The following AKNA variants were observed in gnomAD, a reference collection of about 807,000 sequenced individuals.
AKNA encodes the protein microtubule organization protein AKNA.
In AKNA, 67 loss-of-function variants were observed where a neutral mutation model predicts 138.8. The observed-to-expected ratio is 0.48, with a 90% CI of 0.40 to 0.59. The LOEUF (loss-of-function observed/expected upper bound fraction) is 0.59, where lower values mean the gene tolerates loss of function less well. AKNA is among the 20% of genes least tolerant of loss of function. AKNA has a pLI of 0.00. For synonymous variants in AKNA, 737 were observed against 754.4 expected, an observed-to-expected ratio of 0.98 and a Z score of 0.38; for missense variants, 1,813 against 1,880.4, an observed-to-expected ratio of 0.96 and a Z score of 0.66.
intron 7 of AKNA, among the ~76,000 whole-genome samples, 178 bp from the exon 8 acceptor site, chr9:114,362,711 C>T (rs562129811): frequency 8.5e-5 from 13 of 152,188 alleles, no homozygotes; most frequent in Middle Eastern, 3.2e-3. Context: ...GGAGAGCTGC[C>T]GTGGTCAAGC....
intron 6 of AKNA, among the ~76,000 whole-genome samples, chr9:114,366,779 T>C (rs1423592249): frequency 6.6e-6 from 1 of 151,522 alleles, no homozygotes; most frequent in Non-Finnish European, 1.5e-5. Flanking sequence ...AATAAAATGG[T>C]GGTGCTTCTG....
downstream of AKNA, among the ~76,000 whole-genome samples, chr9:114,332,271 C>T (rs1829866653): frequency 6.6e-6 from 1 of 152,082 alleles, no homozygotes; most frequent in African/African-American, 2.4e-5. Flanking sequence ...TTCACCCCAC[C>T]TCCACTCCCC....
chr9:114,359,529 C>T (rs1831764846), intron 11 of AKNA, 65 bp downstream of exon 11: 1 of 1,612,288 alleles, frequency 6.2e-7, no homozygotes, highest in Admixed American at 1.7e-5. Context: ...TTCACTCTGA[C>T]AGTGATCATC....
chr9:114,360,328 A>C (rs1197435421), intron 9 of AKNA, among the ~76,000 whole-genome samples: 2 of 152,264 alleles, frequency 1.3e-5, no homozygotes, highest in East Asian at 3.9e-4. Context: ...ACCTACGATT[A>C]TTACAAACCA....
chr9:114,337,094 A>T lies in AKNA; in HGVS notation c.4280T>A (p.Leu1427Gln), dbSNP rs769565776. The change falls in exon 22 of 22, where the codon CTG (leucine) becomes CAG (glutamine). Residue 1427 changes from leucine to glutamine, a missense_variant. Leu to Gln is a moderately radical substitution (Grantham distance 113). Coordinates refer to ENST00000374088, the MANE Select transcript of AKNA (RefSeq NM_001317950.2). The part of the protein sequence containing the change: ...RQMRSSLSAD[L>Q]RQAHSLRGSC... Reference sequence around the variant, plus strand: ...GCCCCGCAGGCTGTGAGCCTGGCGCAGGTCGGCTGACAGCGAGCTTCTCAT... The same window carrying T: ...GCCCCGCAGGCTGTGAGCCTGGCGCTGGTCGGCTGACAGCGAGCTTCTCAT... 4.2e-6 allele frequency: 6 copies of T among 1,423,692 alleles called. 1 individual carries two copies. The Admixed American group carries it at 9.5e-5, about 23-fold the overall frequency. The allele number at this position is 1,423,692 out of a possible 1,614,324, so 88.2% of individuals were successfully genotyped here. A position where few individuals can be genotyped will look rare whatever the true frequency, so the allele number is the denominator to read the frequency against.
chr9:114,387,480 G>C (rs535333714), intron 1 of AKNA, among the ~76,000 whole-genome samples: 1 of 152,284 alleles, frequency 6.6e-6, no homozygotes, highest in South Asian at 2.1e-4. Context: ...ACCACCCCCC[G>C]GCGCCGTCGC....
At position 114,358,044 on chromosome 9, in the gene AKNA, G is replaced by T. The variant is rs768255788; in HGVS notation, c.2616C>A (p.Pro872=). ...EAAPPGPGVP[P]HPPGTKSAAS... ...CTGCGGACTTGGTGCCTGGAGGGTG[G>T]GGTGGCACGCCAGGGCCTGGAGGGG... The change falls in exon 12 of 22, where the codon CCC becomes CCA. Residue 872 remains proline (P), a synonymous_variant. Coordinates refer to ENST00000374088, the MANE Select transcript of AKNA (RefSeq NM_001317950.2). 6.2e-7 allele frequency: 1 copy of T among 1,611,442 alleles called. No homozygotes were observed. The highest frequency in any genetic ancestry group is 1.1e-5 in the South Asian group (1 of 90,880).
Position 114,381,404 on chromosome 9 carries a change from G to GGAA in AKNA, c.-72_-71insTTC. 2 of 1,455,952 alleles carry GGAA rather than the reference G, an allele frequency of 1.4e-6. No individual in the cohort carries two copies. Among genetic ancestry groups the GGAA allele is most frequent in the Non-Finnish European group, 1.8e-6 (2 of 1,108,344 alleles). The allele number at this position is 1,455,952 out of a possible 1,614,324, so 90.2% of individuals were successfully genotyped here. A position where few individuals can be genotyped will look rare whatever the true frequency, so the allele number is the denominator to read the frequency against. ...CAGAGCTGCTGCCAGGGGCCCCAGA[G>GGAA]TCACCGCTGGTTCCTGTCAGCATCG... On this transcript the variant is annotated 5_prime_UTR_variant, in exon 2 of 22. Coordinates refer to ENST00000374088, the MANE Select transcript of AKNA (RefSeq NM_001317950.2).
intron 5 of AKNA, 86 bp from the exon 6 acceptor site, chr9:114,367,783 C>T: frequency 1.4e-6 from 2 of 1,427,502 alleles, no homozygotes; most frequent in South Asian, 1.4e-5. Context: ...AAGCCACCAC[C>T]TCCATCATCA....
In AKNA at chr9:114,359,947, A is replaced by G. The variant is rs1231449716; in HGVS notation, c.2240T>C (p.Leu747Pro). The change falls in exon 10 of 22, where the codon CTC becomes CCC. Residue 747 changes from leucine to proline, a missense_variant. Physicochemically the swap from Leu to Pro is moderately conservative, Grantham distance 98. Coordinates refer to ENST00000374088, the MANE Select transcript of AKNA (RefSeq NM_001317950.2). The stretch of plus-strand genomic sequence containing the variant: ...CTCCATCTGCAGCTCCTTGTGCCTG[A>G]GTCGGGCCAGGGGGTCCTGTGGCCT... ...EDRPQDPLAR[L>P]RHKELQMEQV... is the part of the protein sequence containing the mutation. 1.9e-6 allele frequency: 3 copies of G among 1,614,192 alleles called. No individual in the cohort carries two copies. In the East Asian group the frequency reaches 6.7e-5, roughly 36 times the overall value.
Position 114,364,634 on chromosome 9 carries a change from G to A in AKNA, c.1729-15C>T. On this transcript the variant is annotated splice_polypyrimidine_tract_variant and intron_variant, in intron 6 of 21. Coordinates refer to ENST00000374088, the MANE Select transcript of AKNA (RefSeq NM_001317950.2). ...AAGGACTCCACCTGGACATTGGGAG[G>A]GGAAGGAAATATGCTCCATTAATCC... 6.2e-7 allele frequency: 1 copy of A among 1,613,660 alleles called. No homozygotes were observed. The highest frequency in any genetic ancestry group is 1.1e-5 in the South Asian group (1 of 91,066).
In AKNA at chr9:114,361,894, A is replaced by C; in HGVS notation, c.1934T>G (p.Ile645Arg). Reference sequence around the variant, plus strand: ...TTCCAGGCAGCTTCCCAGACGGTATATCTCTGCCTCCAGCTCCCTGGAATG... The same window carrying C: ...TTCCAGGCAGCTTCCCAGACGGTATCTCTCTGCCTCCAGCTCCCTGGAATG... ...FDPRRELEAE[I>R]YRLGSCLEEL... Residue 645 changes from isoleucine (I) to arginine (R), a missense_variant, in exon 9 of 22, where the codon ATA (isoleucine) becomes AGA (arginine). Physicochemically the swap from Ile to Arg is moderately conservative, Grantham distance 97 (BLOSUM62 -3). Coordinates refer to ENST00000374088, the MANE Select transcript of AKNA (RefSeq NM_001317950.2). 1 of 1,603,454 alleles carries C rather than the reference A, an allele frequency of 6.2e-7. No individual in the cohort carries two copies. Among genetic ancestry groups the C allele is most frequent in the East Asian group, 2.2e-5 (1 of 44,870 alleles).
Position 114,368,495 on chromosome 9 carries a change from C to A in AKNA, c.1517G>T (p.Arg506Leu). Residue 506 changes from arginine to leucine, a missense_variant, in exon 5 of 22, where the codon CGC (arginine) becomes CTC (leucine). Coordinates refer to ENST00000374088, the MANE Select transcript of AKNA (RefSeq NM_001317950.2). ...CGGGCCCGGCCACCACTCTGCAGAG[C>A]GGGGCTGTGGGATGGTGAAGGACAA... Reference protein sequence around the residue: ...KVLSFTIPQPRSAEWWPGPAE... With the variant: ...KVLSFTIPQPLSAEWWPGPAE... 7.3e-7 allele frequency: 1 copy of A among 1,361,150 alleles called. No homozygotes were observed. Among genetic ancestry groups the A allele is most frequent in the East Asian group, 2.8e-5 (1 of 36,048 alleles). The allele number at this position is 1,361,150 out of a possible 1,614,324, so 84.3% of individuals were successfully genotyped here.
chr9:114,350,847 T>A lies in AKNA; in HGVS notation c.3221+12A>T, dbSNP rs750621051. 1 of 1,532,732 alleles carries A rather than the reference T, an allele frequency of 6.5e-7. No homozygotes were observed. The highest frequency in any genetic ancestry group is 8.8e-7 in the Non-Finnish European group (1 of 1,141,142). The allele number at this position is 1,532,732 out of a possible 1,614,324, so 94.9% of individuals were successfully genotyped here. A position where few individuals can be genotyped will look rare whatever the true frequency, so the allele number is the denominator to read the frequency against. On this transcript the variant is annotated intron_variant, in intron 15 of 21. Transcript: ENST00000374088. ...TGAGCTTGAATCCCCAGGATCCAAG[T>A]GTCTAACTTACTCTCGCCCTGCCCT...
rs562306295 is a variant in AKNA at position 114,344,567 on chromosome 9, G to A, written c.3662-764C>T. The stretch of plus-strand genomic sequence containing the variant: ...TGGCTTTGTGTATGTGGAGCTGAAC[G>A]TAATTGCTCTTATTTTCCCGACGCG... On this transcript the variant is annotated intron_variant, in intron 18 of 21. Coordinates refer to ENST00000374088, the MANE Select transcript of AKNA (RefSeq NM_001317950.2). The A allele has an allele frequency of 2.0e-3, 300 of 152,318 alleles. 1 individual carries two copies. Among genetic ancestry groups the A allele is most frequent in the Non-Finnish European group, 2.8e-3 (188 of 68,066 alleles). The allele number at this position is 152,318 out of a possible 1,614,324, so 9.4% of individuals were successfully genotyped here. A position where few individuals can be genotyped will look rare whatever the true frequency, so the allele number is the denominator to read the frequency against.
In AKNA at chr9:114,347,895, G is replaced by A. The variant is rs1351603380; in HGVS notation, c.3227C>T (p.Ala1076Val). 1.3e-6 allele frequency: 2 copies of A among 1,551,790 alleles called. No individual in the cohort carries two copies. The highest frequency in any genetic ancestry group is 2.5e-5 in the East Asian group (1 of 40,800). ...FLLTRAGRDQ[A>V]ICELQEEVSR... ...CACCTCTTCTTGCAGCTCACAGATG[G>A]CCTGGCTGGGGTTGGAGTGGAGACA... Residue 1076 changes from alanine (A) to valine (V), a missense_variant, in exon 16 of 22, where the codon GCC (alanine) becomes GTC (valine). Physicochemically the swap from Ala to Val is moderately conservative, Grantham distance 64 (BLOSUM62 0). Coordinates refer to ENST00000374088, the MANE Select transcript of AKNA (RefSeq NM_001317950.2).
At position 114,357,954 on chromosome 9, in the gene AKNA, C is replaced by T. The variant is rs1297405240; in HGVS notation, c.2706G>A (p.Lys902=). The part of the protein sequence containing the change: ...GSGISERLPQ[K]PLHRGGGPHL... ...GGGGCCCACCGCCTCGGTGCAAAGG[C>T]TTCTGTGGAAGGCGCTCAGAGATGC... The change falls in exon 12 of 22, where the codon AAG becomes AAA. Residue 902 remains lysine, a synonymous_variant. Coordinates refer to ENST00000374088, the MANE Select transcript of AKNA (RefSeq NM_001317950.2). 1.2e-6 allele frequency: 2 copies of T among 1,601,902 alleles called. No individual in the cohort carries two copies. The highest frequency in any genetic ancestry group is 8.5e-7 in the Non-Finnish European group (1 of 1,176,048).
chr9:114,381,077 C>A lies in AKNA; in HGVS notation c.257G>T (p.Gly86Val). The A allele has an allele frequency of 6.3e-7, 1 of 1,584,164 alleles. No individual in the cohort carries two copies. Among genetic ancestry groups the A allele is most frequent in the African/African-American group, 1.3e-5 (1 of 74,400 alleles). Residue 86 changes from glycine (G) to valine (V), a missense_variant, in exon 2 of 22, where the codon GGA (glycine) becomes GTA (valine). Gly to Val is a moderately radical substitution (Grantham distance 109). Transcript: ENST00000374088. ...QPDGHQDSES[G>V]ETSGEEAEAE... Reference sequence around the variant, plus strand: ...AGTCTCACCTTCTCCCGAAGTCTCTCCTGACTCGGAATCCTGATGCCCATC... The same window carrying A: ...AGTCTCACCTTCTCCCGAAGTCTCTACTGACTCGGAATCCTGATGCCCATC...
At chr9:114,374,618 C>G (rs1036783433) in intron 3 of AKNA, among the ~76,000 whole-genome samples, 2 of 152,204 alleles carry the variant, frequency 1.3e-5, no homozygotes, top group Non-Finnish European at 2.9e-5. Context: ...ATGAATCACC[C>G]AAGAGTCCCA....
Sources: gnomAD v4.1 joint callset for allele counts (sites outside exome capture counted in the v4.1 genomes callset) on GRCh38, gnomAD v4.1.1 for gene constraint, MANE v1.5 for transcripts, NCBI Gene and HGNC (gene_info 2026-07-23, HGNC 2026-07-21) for gene names.